Variants in ELOVL5 observed in about 807,000 individuals in gnomAD.
ELOVL5 encodes the protein very long chain fatty acid elongase 5.
Under a neutral mutation model 38.6 loss-of-function variants are expected in ELOVL5, and 8 were observed. That is an observed-to-expected ratio of 0.21 (90% confidence interval 0.12 to 0.37). The LOEUF is 0.37. ELOVL5 is among the 10% of genes least tolerant of loss of function. The pLI is 1.00. For missense variants in ELOVL5, 280 were observed against 367.8 expected (o/e 0.76, Z 1.95); for synonymous variants, 127 against 133.7 (o/e 0.95, Z 0.34).
Position 53,341,820 on chromosome 6 carries a change from T to C in ELOVL5, c.-9+6997A>G, listed in dbSNP as rs1484934482. 2.0e-5 allele frequency among the ~76,000 whole-genome samples: 3 copies of C among 152,232 alleles called. No individual in the cohort carries two copies. The East Asian group carries it at 5.8e-4, about 29-fold the overall frequency. ...AGAGAGACGTTTTTACTATGCTAAT[T>C]AAATTAAGTCAGTGCCCCACCTAAC... On this transcript the variant is annotated intron_variant, in intron 1 of 7. Coordinates refer to ENST00000304434, the MANE Select transcript of ELOVL5 (RefSeq NM_021814.5).
intron 1 of ELOVL5, among the ~76,000 whole-genome samples, chr6:53,317,650 C>T (rs1292350727): frequency 1.4e-5 from 2 of 143,328 alleles, no homozygotes; most frequent in African/African-American, 2.6e-5. Flanking sequence ...GTTGTGGGGT[C>T]GGGGGAGGAG....
chr6:53,326,908 G>C (rs1253353378), intron 1 of ELOVL5, among the ~76,000 whole-genome samples: 3 of 152,154 alleles, frequency 2.0e-5, no homozygotes, highest in African/African-American at 7.2e-5. Context: ...TTACCCAGCA[G>C]GGCAAGATTA....
intron 1 of ELOVL5, among the ~76,000 whole-genome samples, chr6:53,303,361 A>G (rs1767339871): frequency 6.6e-6 from 1 of 152,218 alleles, no homozygotes; most frequent in African/African-American, 2.4e-5. Context: ...AAAAATATCT[A>G]CCGCACCAAC....
rs116049573 is a variant in ELOVL5, at chr6:53,269,645, C to T, written c.757-375G>A. Among the ~76,000 whole-genome samples, 664 of 152,336 alleles carry T rather than the reference C, an allele frequency of 4.4e-3. 8 individuals carry two copies. Among genetic ancestry groups the T allele is most frequent in the African/African-American group, 0.015 (641 of 41,570 alleles). On this transcript the variant is annotated intron_variant, in intron 7 of 7. Transcript: ENST00000304434. The stretch of plus-strand genomic sequence containing the variant: ...CAGCAGCTCTCTTGACACCCACATC[C>T]CTTGTTCGTCTTCAAAAGTTCCTCA...
At chr6:53,288,203 C>T (rs1766645002) in intron 3 of ELOVL5, among the ~76,000 whole-genome samples, 1 of 152,102 alleles carries the variant, frequency 6.6e-6, no homozygotes, top group Admixed American at 6.5e-5. Context: ...TAGAGGTTCT[C>T]AATTTTGGGA....
chr6:53,276,101 G>T, intron 4 of ELOVL5, 78 bp downstream of exon 4: 1 of 1,001,554 alleles, frequency 1.0e-6, no homozygotes, highest in South Asian at 1.5e-5. Context: ...GAGGTTATGG[G>T]CCATTTTGTA....
intron 1 of ELOVL5, among the ~76,000 whole-genome samples, chr6:53,344,602 T>C (rs1358429457): frequency 6.6e-6 from 1 of 152,210 alleles, no homozygotes; most frequent in Non-Finnish European, 1.5e-5. Flanking sequence ...TCTGGGCCTT[T>C]TTCCACCTGT....
chr6:53,273,956 CAGTCAGCAACCAAACCA>C (rs978675744), intron 5 of ELOVL5, among the ~76,000 whole-genome samples: 2 of 152,228 alleles, frequency 1.3e-5, no homozygotes, highest in African/African-American at 4.8e-5. Context: ...TCCTCCCCAA[CAGTCAGCAACCAAACCA>C]AGCCATCTGG....
chr6:53,297,029 C>T (rs182949254), intron 1 of ELOVL5, among the ~76,000 whole-genome samples: 1 of 152,216 alleles, frequency 6.6e-6, no homozygotes, highest in Non-Finnish European at 1.5e-5. Flanking sequence ...ATAGGAGGAG[C>T]CATCAATGAC....
Position 53,268,912 on chromosome 6 carries a change from A to G in ELOVL5, c.*215T>C, listed in dbSNP as rs1378190004. Reference sequence around the variant, plus strand: ...ATACTCCCTTTCCACAGTCTAGCGCAGGGGTCAGAGAGCCCAGAAATGTTA... The same window carrying G: ...ATACTCCCTTTCCACAGTCTAGCGCGGGGGTCAGAGAGCCCAGAAATGTTA... On this transcript the variant is annotated 3_prime_UTR_variant, in exon 8 of 8. Coordinates refer to ENST00000304434, the MANE Select transcript of ELOVL5 (RefSeq NM_021814.5). 2 of 505,422 alleles carry G rather than the reference A, an allele frequency of 4.0e-6. No individual in the cohort carries two copies. The highest frequency in any genetic ancestry group is 6.5e-5 in the East Asian group (2 of 30,918). The allele number at this position is 505,422 out of a possible 1,614,324, so 31.3% of individuals were successfully genotyped here.
intron 1 of ELOVL5, among the ~76,000 whole-genome samples, chr6:53,298,760 G>GCAT (rs943419945): frequency 1.3e-5 from 2 of 152,058 alleles, no homozygotes; most frequent in African/African-American, 4.8e-5. Context: ...AATGTCCTGT[G>GCAT]CATTGTGGAT....
At chr6:53,325,760 C>T (rs1768516502) in intron 1 of ELOVL5, among the ~76,000 whole-genome samples, 1 of 151,948 alleles carries the variant, frequency 6.6e-6, no homozygotes, top group Admixed American at 6.6e-5. Context: ...GAGTGGGCTG[C>T]CACAATCTGG....
intron 1 of ELOVL5, among the ~76,000 whole-genome samples, chr6:53,317,660 G>A (rs935181711): frequency 6.6e-6 from 1 of 151,974 alleles, no homozygotes; most frequent in Non-Finnish European, 1.5e-5. Flanking sequence ...CGGGGGAGGA[G>A]GGAGGGATAG....
At chr6:53,331,098 G>A (rs1044442215) in intron 1 of ELOVL5, among the ~76,000 whole-genome samples, 1 of 152,204 alleles carries the variant, frequency 6.6e-6, no homozygotes, top group Non-Finnish European at 1.5e-5. Flanking sequence ...GGGAGACCGA[G>A]GTGGAAGGAC....
intron 4 of ELOVL5, 23 bp downstream of exon 4, chr6:53,276,153 TAAA>T: frequency 6.6e-7 from 1 of 1,526,562 alleles, no homozygotes; most frequent in Non-Finnish European, 9.0e-7. Context: ...CTTATAATAA[TAAA>T]GTTTCTGAAA....
At chr6:53,347,340 T>C (rs754065269) in intron 1 of ELOVL5, among the ~76,000 whole-genome samples, 1 of 152,166 alleles carries the variant, frequency 6.6e-6, no homozygotes, top group African/African-American at 2.4e-5. Context: ...TCCTGGAGAA[T>C]CCCAGGCAGT....
chr6:53,295,751 G>A (rs1191454423), intron 1 of ELOVL5, 44 bp from the exon 2 acceptor site: 2 of 1,216,302 alleles, frequency 1.6e-6, no homozygotes, highest in Non-Finnish European at 2.3e-6. Flanking sequence ...TACTCAAAAT[G>A]TTTTTTATAC....
chr6:53,276,014 A>T (rs745777795), intron 4 of ELOVL5, among the ~76,000 whole-genome samples, 165 bp downstream of exon 4: 1 of 152,240 alleles, frequency 6.6e-6, no homozygotes, highest in Non-Finnish European at 1.5e-5. Context: ...TACCTTTCAC[A>T]TTCAAATTTT....
At chr6:53,277,407 C>G (rs746515788) in intron 3 of ELOVL5, among the ~76,000 whole-genome samples, 42 of 152,120 alleles carry the variant, frequency 2.8e-4, no homozygotes, top group Non-Finnish European at 4.4e-4. Flanking sequence ...ATGGGAGAAG[C>G]ATCAGTTCAT....
Sources: gnomAD v4.1 joint callset for allele counts (sites outside exome capture counted in the v4.1 genomes callset) on GRCh38, gnomAD v4.1.1 for gene constraint, MANE v1.5 for transcripts, NCBI Gene and HGNC (gene_info 2026-07-23, HGNC 2026-07-21) for gene names.